The following MAD1L1 variants were observed in gnomAD, a reference collection of about 807,000 sequenced individuals.
MAD1L1 encodes the protein mitotic spindle assembly checkpoint protein MAD1.
In MAD1L1, 95 loss-of-function variants were observed where a neutral mutation model predicts 96.9. The ratio of observed to expected loss-of-function variants is 0.98; its 90% CI spans 0.83 to 1.16. The LOEUF (loss-of-function observed/expected upper bound fraction) is 1.16. Ranked by LOEUF, MAD1L1 falls within the 50% of genes most tolerant of loss-of-function variation. The pLI, the probability that MAD1L1 is intolerant of heterozygous loss-of-function variation, is 0.00. For missense variants in MAD1L1, 1,007 were observed against 954.4 expected (o/e 1.06, Z -0.73); for synonymous variants, 473 against 396.6 (o/e 1.19, Z -2.29).
chr7:1,960,418 C>G (rs1779906923), intron 15 of MAD1L1, among the ~76,000 whole-genome samples: 1 of 152,190 alleles, frequency 6.6e-6, no homozygotes, highest in Non-Finnish European at 1.5e-5. Flanking sequence ...CCCAATCAGA[C>G]ACCGCTGACA....
intron 11 of MAD1L1, among the ~76,000 whole-genome samples, chr7:2,074,946 G>A (rs1785305850): frequency 6.6e-6 from 1 of 152,214 alleles, no homozygotes. Context: ...TTCGTGGTCA[G>A]CCCAGTGGGC....
At chr7:1,879,156 T>A (rs751690315) in intron 18 of MAD1L1, among the ~76,000 whole-genome samples, 1 of 152,202 alleles carries the variant, frequency 6.6e-6, no homozygotes, top group Non-Finnish European at 1.5e-5. Flanking sequence ...TTTTCATGGA[T>A]TGGAACACAA....
rs567161534 is a variant in MAD1L1, at chr7:2,100,218, G to A, written c.1074-30880C>T. Reference sequence around the variant, plus strand: ...TCTGTTCCAGACCAGCAGGGAAAATGAGGAGGAAAAGGTCTCAAAGCCCAG... The same window carrying A: ...TCTGTTCCAGACCAGCAGGGAAAATAAGGAGGAAAAGGTCTCAAAGCCCAG... On this transcript the variant is annotated intron_variant, in intron 11 of 18. Coordinates refer to ENST00000265854, the MANE Select transcript of MAD1L1 (RefSeq NM_001013836.2). 2.0e-5 allele frequency among the ~76,000 whole-genome samples: 3 copies of A among 152,352 alleles called. No homozygotes were observed. In the East Asian group the frequency reaches 5.8e-4, roughly 29 times the overall value.
At chr7:2,018,707 G>A (rs1008989740) in intron 12 of MAD1L1, among the ~76,000 whole-genome samples, 1 of 152,106 alleles carries the variant, frequency 6.6e-6, no homozygotes, top group Admixed American at 6.5e-5. Context: ...GCTGAGTACC[G>A]CGTGCCCCCT....
chr7:2,036,389 G>A (rs1054123838), intron 12 of MAD1L1, among the ~76,000 whole-genome samples: 1 of 152,154 alleles, frequency 6.6e-6, no homozygotes, highest in African/African-American at 2.4e-5. Flanking sequence ...AGGGGAGGAC[G>A]ATGCATTCCT....
intron 18 of MAD1L1, among the ~76,000 whole-genome samples, chr7:1,893,394 T>G (rs774415455): frequency 3.9e-5 from 6 of 152,236 alleles, no homozygotes; most frequent in Non-Finnish European, 8.8e-5. Context: ...TTCGGCTATT[T>G]CTAACTCTGT....
intron 18 of MAD1L1, among the ~76,000 whole-genome samples, chr7:1,890,385 G>T (rs1431216172): frequency 6.6e-6 from 1 of 152,148 alleles, no homozygotes; most frequent in South Asian, 2.1e-4. Context: ...TTGTTAGAAG[G>T]AGCCTGGCAC....
At chr7:2,009,850 C>CT (rs1782211065) in intron 13 of MAD1L1, among the ~76,000 whole-genome samples, 1 of 152,196 alleles carries the variant, frequency 6.6e-6, no homozygotes, top group Non-Finnish European at 1.5e-5. Context: ...CAGCGGTGCT[C>CT]TAAGTGTGTG....
rs1782798947 is a variant in MAD1L1, at chr7:2,021,774, A to G, written c.1219-7132T>C. 2.0e-5 allele frequency among the ~76,000 whole-genome samples: 3 copies of G among 151,850 alleles called. No individual in the cohort carries two copies. The South Asian group carries it at 6.3e-4, about 32-fold the overall frequency. On this transcript the variant is annotated intron_variant, in intron 12 of 18. Transcript: ENST00000265854. ...AGTGAGACTCTGTCTCAAACAAACAAACAAACAAAAAACACTCTCTTAGAC... is the reference window on the plus strand; with the variant it reads ...AGTGAGACTCTGTCTCAAACAAACAGACAAACAAAAAACACTCTCTTAGAC...
intron 18 of MAD1L1, among the ~76,000 whole-genome samples, chr7:1,870,960 C>T (rs1469950871): frequency 6.7e-6 from 1 of 149,340 alleles, no homozygotes; most frequent in Admixed American, 6.6e-5. Flanking sequence ...CACCGTAACA[C>T]CTGCCACGCT....
intron 17 of MAD1L1, among the ~76,000 whole-genome samples, chr7:1,901,376 T>C (rs1328389352): frequency 5.3e-5 from 8 of 152,104 alleles, no homozygotes; most frequent in Non-Finnish European, 1.5e-5. Context: ...CTGGACTGGG[T>C]TCTATGGGCC....
chr7:2,062,064 A>C (rs1359288817), intron 12 of MAD1L1, among the ~76,000 whole-genome samples: 1 of 151,494 alleles, frequency 6.6e-6, no homozygotes, highest in African/African-American at 2.4e-5. Context: ...AACATGGTGA[A>C]ACCCCGTCTC....
chr7:2,017,698 T>C (rs1049753339), intron 12 of MAD1L1, among the ~76,000 whole-genome samples: 32 of 152,160 alleles, frequency 2.1e-4, no homozygotes, highest in Admixed American at 2.1e-3. Context: ...ATGACGCTCA[T>C]TCCCTCATCA....
At chr7:1,889,507 G>A (rs1053437773) in intron 18 of MAD1L1, among the ~76,000 whole-genome samples, 1 of 152,216 alleles carries the variant, frequency 6.6e-6, no homozygotes, top group African/African-American at 2.4e-5. Flanking sequence ...ACATCCTGAG[G>A]CTTGTCGGGG....
intron 10 of MAD1L1, among the ~76,000 whole-genome samples, chr7:2,189,884 AC>A (rs1171737614): frequency 6.6e-6 from 1 of 152,214 alleles, no homozygotes; most frequent in Non-Finnish European, 1.5e-5. Flanking sequence ...AGACCCTAAA[AC>A]TAACCTCATG....
chr7:2,224,494 C>A (rs1793776114), intron 4 of MAD1L1, among the ~76,000 whole-genome samples: 1 of 152,236 alleles, frequency 6.6e-6, no homozygotes, highest in African/African-American at 2.4e-5. Flanking sequence ...ACAACGCACA[C>A]CGCAGTCAGG....
At chr7:2,060,963 A>T (rs1784636254) in intron 12 of MAD1L1, among the ~76,000 whole-genome samples, 1 of 152,250 alleles carries the variant, frequency 6.6e-6, no homozygotes, top group South Asian at 2.1e-4. Context: ...GGCTACGAGA[A>T]GATAACTAAA....
rs545291193 is a variant in MAD1L1, at chr7:1,824,526, G to A, written c.1999-8298C>T. On this transcript the variant is annotated intron_variant, in intron 18 of 18. Coordinates refer to ENST00000265854, the MANE Select transcript of MAD1L1 (RefSeq NM_001013836.2). ...CCCCGTGCCCTGGCGCCATCGGATG[G>A]CCTCTACTGGGAAGTGAGCTGCTCC... Among the ~76,000 whole-genome samples, 3 of 152,270 alleles carry A rather than the reference G, an allele frequency of 2.0e-5. No individual in the cohort carries two copies. The South Asian group carries it at 6.2e-4, about 32-fold the overall frequency.
intron 18 of MAD1L1, among the ~76,000 whole-genome samples, chr7:1,854,870 G>A (rs1784164948): frequency 6.6e-6 from 1 of 152,244 alleles, no homozygotes; most frequent in African/African-American, 2.4e-5. Context: ...AAGAGGGAGG[G>A]TGCCAGGCCC....
Sources: gnomAD v4.1 joint callset for allele counts (sites outside exome capture counted in the v4.1 genomes callset) on GRCh38, gnomAD v4.1.1 for gene constraint, MANE v1.5 for transcripts, NCBI Gene and HGNC (gene_info 2026-07-23, HGNC 2026-07-21) for gene names.